The following ZNF689 variants were observed in gnomAD, a reference collection of about 807,000 sequenced individuals.
ZNF689 encodes short ORF-encoded histone-binding protein.
In ZNF689, 14 loss-of-function variants were observed where a neutral mutation model predicts 37.2. The ratio of observed to expected loss-of-function variants is 0.38; its 90% CI spans 0.25 to 0.59. The LOEUF (loss-of-function observed/expected upper bound fraction) is 0.59, where lower values mean the gene tolerates loss of function less well. Among genes scored for constraint, ZNF689 ranks in the 20% least tolerant of loss-of-function variants. The pLI is 0.68. For missense variants in ZNF689, 573 were observed against 700.2 expected, an observed-to-expected ratio of 0.82 and a Z score of 2.05; for synonymous variants, 277 against 283.3, an observed-to-expected ratio of 0.98 and a Z score of 0.22.
chr16:30,610,666 C>G (rs1340922096), upstream of ZNF689: 2 of 152,318 alleles, frequency 1.3e-5, no homozygotes, highest in Non-Finnish European at 2.9e-5. Flanking sequence ...AAGGAGGGAA[C>G]GATTTGAGCG....
Position 30,604,142 on chromosome 16 carries a change from C to A in ZNF689, c.*122G>T. The A allele has an allele frequency of 9.4e-7, 1 of 1,065,344 alleles. No homozygotes were observed. Among genetic ancestry groups the A allele is most frequent in the Non-Finnish European group, 1.4e-6 (1 of 703,730 alleles). 66.0% of individuals were successfully genotyped at this position (1,065,344 alleles called of 1,614,324 possible). ...CCAGCGCATTGCAAGATACAAAGTT[C>A]AGCTCTGTGCAGCAGGAGACCCGGG... On this transcript the variant is annotated 3_prime_UTR_variant, in exon 3 of 3. Coordinates refer to ENST00000287461, the MANE Select transcript of ZNF689 (RefSeq NM_138447.3). The surrounding 1 kb of genome is among the most constrained non-coding windows in gnomAD (Gnocchi z 5.2).
At position 30,604,772 on chromosome 16, in the gene ZNF689, A is replaced by C. The variant is rs2052018760; in HGVS notation, c.995T>G (p.Leu332Arg). The part of the protein sequence containing the change: ...CERRFSSSSR[L>R]VSHRRVHSGE... ...AGAGTGCACACGCCGGTGACTGACC[A>C]GGCGAGAGGAGGAGGAGAAGCGCCG... Residue 332 changes from leucine (L) to arginine (R), a missense_variant, in exon 3 of 3, where the codon CTG (leucine) becomes CGG (arginine). Physicochemically the swap from Leu to Arg is moderately radical, Grantham distance 102. This residue lies in a region of ZNF689 where 317 missense variants were observed against 367.1 expected (regional missense o/e 0.86). Transcript: ENST00000287461. The surrounding 1 kb of genome is among the most constrained non-coding windows in gnomAD (Gnocchi z 5.2). 6.2e-7 allele frequency: 1 copy of C among 1,608,844 alleles called. No individual in the cohort carries two copies. Among genetic ancestry groups the C allele is most frequent in the Admixed American group, 1.7e-5 (1 of 59,792 alleles).
rs1192941219 is a variant in ZNF689, at chr16:30,605,482, C to G, written c.320-35G>C. 3 of 1,589,496 alleles carry G rather than the reference C, an allele frequency of 1.9e-6. No homozygotes were observed. Among genetic ancestry groups the G allele is most frequent in the Non-Finnish European group, 2.6e-6 (3 of 1,168,154 alleles). On this transcript the variant is annotated intron_variant, in intron 2 of 2. Coordinates refer to ENST00000287461, the MANE Select transcript of ZNF689 (RefSeq NM_138447.3). The surrounding 1 kb of genome is among the most constrained non-coding windows in gnomAD (Gnocchi z 5.1). ...TACAGAAGCATTAATTTAACAAATA[C>G]TGGGCTCCTGCTCTTGTCAATTACA...
At chr16:30,606,108 G>A (rs1250256006) in intron 2 of ZNF689, among the ~76,000 whole-genome samples, 1 of 151,832 alleles carries the variant, frequency 6.6e-6, no homozygotes, top group East Asian at 1.9e-4. Flanking sequence ...GATCAGCCTG[G>A]GCAGCATAGT....
chr16:30,604,410 C>T lies in ZNF689; in HGVS notation c.1357G>A (p.Gly453Arg), dbSNP rs2052013008. 1 of 1,613,574 alleles carries T rather than the reference C, an allele frequency of 6.2e-7. No individual in the cohort carries two copies. The highest frequency in any genetic ancestry group is 1.3e-5 in the African/African-American group (1 of 74,950). The change falls in exon 3 of 3, where the codon GGG (glycine) becomes AGG (arginine). Residue 453 changes from glycine (G) to arginine (R), a missense_variant. By Grantham distance (125) the Gly-to-Arg change is moderately radical (BLOSUM62 -2). Transcript: ENST00000287461. The surrounding 1 kb of genome is among the most constrained non-coding windows in gnomAD (Gnocchi z 5.2). ...TCGAGGCAGGGGAAAGGCTTCTCCC[C>T]CGTGTGCAGCAGCTGGTGCTGGGCC... ...HLAQHQLLHT[G>R]EKPFPCLECG...
chr16:30,610,396 A>G (rs2052086210), upstream of ZNF689: 1 of 242,920 alleles, frequency 4.1e-6, no homozygotes, highest in East Asian at 8.9e-5. Flanking sequence ...TGGCGCTGCG[A>G]TTGGGCTTCA....
At chr16:30,606,952 G>A (rs1289371181) in intron 2 of ZNF689, among the ~76,000 whole-genome samples, 6 of 152,004 alleles carry the variant, frequency 3.9e-5, no homozygotes, top group African/African-American at 1.4e-4. Flanking sequence ...TGACTTAGCT[G>A]ATTCTTTAAA....
intron 2 of ZNF689, among the ~76,000 whole-genome samples, chr16:30,607,420 G>A (rs139677618): frequency 0.015 from 2,230 of 151,404 alleles, 43 homozygotes; most frequent in African/African-American, 0.049. Context: ...GTGAAACCCC[G>A]TCTCTACTAA....
Position 30,610,314 on chromosome 16 carries a change from C to A in ZNF689, c.-273G>T, listed in dbSNP as rs2052084794. On this transcript the variant is annotated 5_prime_UTR_variant, in exon 1 of 3. Transcript: ENST00000287461. ...GCACCGCCTTTGCCTGGAACACAGG[C>A]AGCTTCCAGCTATCGATTTTATTGA... is the stretch of plus-strand genomic sequence containing the variant. 4.2e-6 allele frequency: 2 copies of A among 471,194 alleles called. No homozygotes were observed. The highest frequency in any genetic ancestry group is 7.5e-6 in the Non-Finnish European group (2 of 265,012). The allele number at this position is 471,194 out of a possible 1,614,324, so 29.2% of individuals were successfully genotyped here. A position where few individuals can be genotyped will look rare whatever the true frequency, so the allele number is the denominator to read the frequency against.
chr16:30,604,097 A>T lies in ZNF689; in HGVS notation c.*167T>A. 1 of 779,952 alleles carries T rather than the reference A, an allele frequency of 1.3e-6. No homozygotes were observed. Among genetic ancestry groups the T allele is most frequent in the Non-Finnish European group, 2.2e-6 (1 of 449,842 alleles). 48.3% of individuals were successfully genotyped at this position (779,952 alleles called of 1,614,324 possible). ...TCACCTCTCCTAATGGGACTGTTCC[A>T]GACACGCACAGGGAGGCAGCCAGCG... is the stretch of plus-strand genomic sequence containing the variant. On this transcript the variant is annotated 3_prime_UTR_variant, in exon 3 of 3. Coordinates refer to ENST00000287461, the MANE Select transcript of ZNF689 (RefSeq NM_138447.3). This position sits in a 1 kb window ranked among gnomAD's most constrained non-coding sequence, Gnocchi z 5.2.
rs1041122496 is a variant in ZNF689 at position 30,602,729 on chromosome 16, G to A, written c.*1535C>T. 1.3e-5 allele frequency: 2 copies of A among 152,194 alleles called. No individual in the cohort carries two copies. The highest frequency in any genetic ancestry group is 2.4e-5 in the African/African-American group (1 of 41,434). The allele number at this position is 152,194 out of a possible 1,614,324, so 9.4% of individuals were successfully genotyped here. On this transcript the variant is annotated 3_prime_UTR_variant, in exon 3 of 3. Transcript: ENST00000287461. ...CCCCAGCTGCTCCCCTGCTTGTGCT[G>A]AGATCAGGAGAGCTGTAGGAAGGAG...
Position 30,605,437 on chromosome 16 carries a change from G to A in ZNF689, c.330C>T (p.Thr110=). The A allele has an allele frequency of 1.2e-6, 2 of 1,611,372 alleles. No homozygotes were observed. Among genetic ancestry groups the A allele is most frequent in the East Asian group, 2.2e-5 (1 of 44,866 alleles). ...CTTCCTTCTCCCCATTCTTCTTTCT[G>A]GTTCTGCTTTCTATAGAAATACAGA... ...RGLTVQRKSR[T]RKKNGEKEVF... is the part of the protein sequence containing the mutation. The change falls in exon 3 of 3, where the codon ACC becomes ACT. Residue 110 remains threonine (T), a synonymous_variant. Coordinates refer to ENST00000287461, the MANE Select transcript of ZNF689 (RefSeq NM_138447.3). The surrounding 1 kb of genome is among the most constrained non-coding windows in gnomAD (Gnocchi z 5.1).
Position 30,604,460 on chromosome 16 carries a change from T to A in ZNF689, c.1307A>T (p.Lys436Met), listed in dbSNP as rs745813021. 1 of 1,610,986 alleles carries A rather than the reference T, an allele frequency of 6.2e-7. No homozygotes were observed. Among genetic ancestry groups the A allele is most frequent in the Non-Finnish European group, 8.5e-7 (1 of 1,178,792 alleles). The change falls in exon 3 of 3, where the codon AAG (lysine) becomes ATG (methionine). Residue 436 changes from lysine to methionine, a missense_variant. This residue lies in a region of ZNF689 where 317 missense variants were observed against 367.1 expected (regional missense o/e 0.86). Transcript: ENST00000287461. This position sits in a 1 kb window ranked among gnomAD's most constrained non-coding sequence, Gnocchi z 5.2. ...ERPYACDLCS[K>M]RFAQWSHLAQ... The stretch of plus-strand genomic sequence containing the variant: ...CAGGTGGCTCCACTGAGCAAAACGC[T>A]TGGAGCAAAGGTCGCAGGCATAGGG...
chr16:30,608,913 A>T (rs2052061425), intron 2 of ZNF689, among the ~76,000 whole-genome samples: 1 of 152,200 alleles, frequency 6.6e-6, no homozygotes, highest in Admixed American at 6.5e-5. Flanking sequence ...GAATGGGGTT[A>T]AGCAGAGCCT....
rs1413418483 is a variant in ZNF689, at chr16:30,604,333, G to T, written c.1434C>A (p.Ser478Arg). The T allele has an allele frequency of 5.6e-6, 9 of 1,613,830 alleles. No homozygotes were observed. Among genetic ancestry groups the T allele is most frequent in the African/African-American group, 2.7e-5 (2 of 74,948 alleles). ...TAGGGCTACAGTTTGGGGCCTTGGGGCTACACTTGTGGACAGCCAGAGACC... is the reference window on the plus strand; with the variant it reads ...TAGGGCTACAGTTTGGGGCCTTGGGTCTACACTTGTGGACAGCCAGAGACC... ...QRWSLAVHKC[S>R]PKAPNCSPRS... The change falls in exon 3 of 3, where the codon AGC becomes AGA. Residue 478 changes from serine (S) to arginine (R), a missense_variant. Physicochemically the swap from Ser to Arg is moderately radical, Grantham distance 110. This residue lies in a region of ZNF689 where 317 missense variants were observed against 367.1 expected (regional missense o/e 0.86). Transcript: ENST00000287461. This position sits in a 1 kb window ranked among gnomAD's most constrained non-coding sequence, Gnocchi z 5.2.
In ZNF689 at chr16:30,609,641, G is replaced by A; in HGVS notation, c.206-3C>T. 2 of 1,613,892 alleles carry A rather than the reference G, an allele frequency of 1.2e-6. No individual in the cohort carries two copies. The highest frequency in any genetic ancestry group is 1.7e-6 in the Non-Finnish European group (2 of 1,179,940). On this transcript the variant is annotated splice_polypyrimidine_tract_variant and splice_region_variant and intron_variant, in intron 1 of 2. Coordinates refer to ENST00000287461, the MANE Select transcript of ZNF689 (RefSeq NM_138447.3). Reference sequence around the variant, plus strand: ...GGCTGGTTTGGGACCTGCGCACCCTGGGGAAAGAGAACAAATCAGAAGGCC... The same window carrying A: ...GGCTGGTTTGGGACCTGCGCACCCTAGGGAAAGAGAACAAATCAGAAGGCC...
chr16:30,607,319 G>A (rs1253545537), intron 2 of ZNF689, among the ~76,000 whole-genome samples: 3 of 147,230 alleles, frequency 2.0e-5, no homozygotes, highest in South Asian at 2.2e-4. Flanking sequence ...CCAGCCAAGC[G>A]CAGTGGCTCA....
intron 2 of ZNF689, chr16:30,608,436 T>A (rs1352433245): frequency 6.6e-6 from 1 of 152,098 alleles, no homozygotes; most frequent in East Asian, 1.9e-4. Context: ...CCCACCATAG[T>A]GCCCGGCTAA....
Position 30,604,807 on chromosome 16 carries a change from C to A in ZNF689, c.960G>T (p.Pro320=). 2.5e-6 allele frequency: 4 copies of A among 1,607,898 alleles called. No individual in the cohort carries two copies. The South Asian group carries it at 3.3e-5, about 13-fold the overall frequency. The change falls in exon 3 of 3, where the codon CCG becomes CCT. Residue 320 remains proline, a synonymous_variant. Transcript: ENST00000287461. The surrounding 1 kb of genome is among the most constrained non-coding windows in gnomAD (Gnocchi z 5.2). ...IHTGEKPYPC[P]DCERRFSSSS... Reference sequence around the variant, plus strand: ...AGGAGGAGAAGCGCCGCTCGCAGTCCGGGCACGGGTAGGGCTTCTCGCCCG... The same window carrying A: ...AGGAGGAGAAGCGCCGCTCGCAGTCAGGGCACGGGTAGGGCTTCTCGCCCG...
Sources: allele counts gnomAD v4.1 joint callset (sites outside exome capture counted in the v4.1 genomes callset), GRCh38; gene constraint gnomAD v4.1.1; regional missense constraint gnomAD v4.1.1; non-coding constraint Gnocchi (gnomAD v3.1); transcripts MANE v1.5; gene names NCBI Gene and HGNC (gene_info 2026-07-23, HGNC 2026-07-21).